FREM1: variants seen among roughly 807,000 people sequenced by gnomAD.
The protein encoded by FREM1 is FRAS1-related extracellular matrix protein 1.
A neutral mutation model predicts 210.1 loss-of-function variants in FREM1; 220 were observed. The ratio of observed to expected loss-of-function variants is 1.05; its 90% CI spans 0.94 to 1.17. FREM1 has a LOEUF of 1.17. FREM1 is among the 50% of genes most tolerant of loss of function. The probability of loss-of-function intolerance (pLI) is 0.00; values close to 1 mark genes in which losing one functional copy is unlikely to be tolerated. For missense variants in FREM1, 3,454 were observed against 2,675.5 expected, an observed-to-expected ratio of 1.29 and a Z score of -6.42; for synonymous variants, 1,189 against 980.2, an observed-to-expected ratio of 1.21 and a Z score of -3.98.
chr9:14,765,160 T>A (rs1163993060), intron 27 of FREM1, among the ~76,000 whole-genome samples: 1 of 152,230 alleles, frequency 6.6e-6, no homozygotes, highest in African/African-American at 2.4e-5. Context: ...TAAAAAAATA[T>A]TTTTTCAAGT....
At position 14,873,284 on chromosome 9, in the gene FREM1, G is replaced by C. The variant is rs563592274; in HGVS notation, c.-267-4040C>G. Among the ~76,000 whole-genome samples the C allele has an allele frequency of 5.5e-3, 839 of 152,286 alleles. 6 individuals are homozygous for C. The highest frequency in any genetic ancestry group is 0.019 in the African/African-American group (788 of 41,564). On this transcript the variant is annotated intron_variant, in intron 1 of 36. Coordinates refer to ENST00000380880, the MANE Select transcript of FREM1 (RefSeq NM_001379081.2). ...TGTACCTCTGGTAGAATTCGGCTGT[G>C]AATCCATCAGGTCCTGGACTCTTTT...
chr9:14,764,939 T>G (rs923924), intron 27 of FREM1, among the ~76,000 whole-genome samples: 148,711 of 152,230 alleles, frequency 0.98, 72,737 homozygotes, highest in Middle Eastern at 1. Flanking sequence ...TCAGTTTCCT[T>G]TCTTCCTATA....
chr9:14,756,410 T>C lies in FREM1; in HGVS notation c.5371A>G (p.Thr1791Ala). The C allele has an allele frequency of 6.2e-7, 1 of 1,602,290 alleles. No homozygotes were observed. Among genetic ancestry groups the C allele is most frequent in the Non-Finnish European group, 8.5e-7 (1 of 1,174,134 alleles). ...QVSAAVGKDF[T>A]VIPSKLIQFD... ...TGAATCAGTTTAGATGGAATCACGG[T>C]GAAATCTTTTCCAACTGCAGCTGAC... Residue 1791 changes from threonine to alanine, a missense_variant, in exon 29 of 37, where the codon ACC becomes GCC. Thr to Ala is a moderately conservative substitution (Grantham distance 58, BLOSUM62 0). Coordinates refer to ENST00000380880, the MANE Select transcript of FREM1 (RefSeq NM_001379081.2).
chr9:14,851,241 T>C (rs778922422), intron 6 of FREM1, 43 bp downstream of exon 6: 4 of 1,444,306 alleles, frequency 2.8e-6, no homozygotes, highest in Non-Finnish European at 3.8e-6. Flanking sequence ...TAAATAACCC[T>C]GTGACTTCTA....
intron 16 of FREM1, among the ~76,000 whole-genome samples, chr9:14,810,564 A>G (rs1464927674): frequency 1.2e-4 from 19 of 152,118 alleles, no homozygotes; most frequent in Admixed American, 1.2e-3. Flanking sequence ...CGATCCTCCT[A>G]CCTCAGCCTC....
At chr9:14,856,562 C>T (rs1205603815) in intron 5 of FREM1, among the ~76,000 whole-genome samples, 1 of 152,118 alleles carries the variant, frequency 6.6e-6, no homozygotes, top group African/African-American at 2.4e-5. Context: ...ATCATCTTTC[C>T]TCAGCACAAA....
chr9:14,784,463 A>G lies in FREM1; in HGVS notation c.4349T>C (p.Val1450Ala), dbSNP rs1002124924. The change falls in exon 24 of 37, where the codon GTT (valine) becomes GCT (alanine). Residue 1450 changes from valine (V) to alanine (A), a missense_variant. Physicochemically the swap from Val to Ala is moderately conservative, Grantham distance 64. Transcript: ENST00000380880. ...GQIEYVHYPG[V>A]PITNFSQMDV... ...CATTTGGCTGAAGTTTGTAATGGGA[A>G]CTCCAGGATAGTGAACATATTCGAT... 1 of 1,613,752 alleles carries G rather than the reference A, an allele frequency of 6.2e-7. No individual in the cohort carries two copies. Among genetic ancestry groups the G allele is most frequent in the Non-Finnish European group, 8.5e-7 (1 of 1,179,802 alleles).
At position 14,836,556 on chromosome 9, in the gene FREM1, T is replaced by C. The variant is rs1451848428; in HGVS notation, c.1881+4891A>G. On this transcript the variant is annotated intron_variant, in intron 10 of 36. Transcript: ENST00000380880. The surrounding 1 kb of genome is among the most constrained non-coding windows in gnomAD (Gnocchi z 4.9). ...GCGGCTACAATCCCTCTTTAATAAATTCCAGTCTTCTTTCTGGAATTGGTT... is the reference window on the plus strand; with the variant it reads ...GCGGCTACAATCCCTCTTTAATAAACTCCAGTCTTCTTTCTGGAATTGGTT... Among the ~76,000 whole-genome samples, 1 of 152,230 alleles carries C rather than the reference T, an allele frequency of 6.6e-6. No individual in the cohort carries two copies. The highest frequency in any genetic ancestry group is 1.5e-5 in the Non-Finnish European group (1 of 68,038).
In FREM1 at chr9:14,748,395, C is replaced by T. The variant is rs760056165; in HGVS notation, c.5796+6G>A. 16 of 1,528,794 alleles carry T rather than the reference C, an allele frequency of 1.0e-5. No homozygotes were observed. Among genetic ancestry groups the T allele is most frequent in the East Asian group, 2.3e-5 (1 of 44,416 alleles). The allele number at this position is 1,528,794 out of a possible 1,614,324, so 94.7% of individuals were successfully genotyped here. A position where few individuals can be genotyped will look rare whatever the true frequency, so the allele number is the denominator to read the frequency against. ...ACATCATTTCCCAGAAGGTCCCCAT[C>T]CTTACTGTTTTGCCATTCCCACGGG... On this transcript the variant is annotated splice_donor_region_variant and intron_variant, in intron 31 of 36. Coordinates refer to ENST00000380880, the MANE Select transcript of FREM1 (RefSeq NM_001379081.2).
chr9:14,845,188 C>G (rs1391020044), intron 8 of FREM1, among the ~76,000 whole-genome samples: 2 of 152,210 alleles, frequency 1.3e-5, no homozygotes, highest in East Asian at 3.9e-4. Flanking sequence ...TAGATTATTA[C>G]CTTGTTAACT....
intron 11 of FREM1, 86 bp from the exon 12 acceptor site, chr9:14,824,201 C>T: frequency 3.8e-6 from 3 of 794,784 alleles, no homozygotes; most frequent in East Asian, 2.7e-5. Context: ...AACTGAAAGA[C>T]TTCATTGTGA....
At chr9:14,876,348 G>C (rs1833737655) in intron 1 of FREM1, among the ~76,000 whole-genome samples, 3 of 152,134 alleles carry the variant, frequency 2.0e-5, no homozygotes. Flanking sequence ...GAGCTTCCTG[G>C]CTGCTTTGTT....
At chr9:14,767,135 C>A (rs548714715) in intron 27 of FREM1, among the ~76,000 whole-genome samples, 2 of 152,192 alleles carry the variant, frequency 1.3e-5, no homozygotes, top group South Asian at 4.2e-4. Context: ...AAGGGCAGAG[C>A]CAAAGCTCAA....
intron 10 of FREM1, among the ~76,000 whole-genome samples, chr9:14,837,081 T>C (rs1824767152): frequency 6.6e-6 from 1 of 152,222 alleles, no homozygotes; most frequent in Admixed American, 6.5e-5. Flanking sequence ...CCCTTGGCCT[T>C]CTTGCCCTTG....
At chr9:14,792,094 T>C (rs543856705) in intron 22 of FREM1, among the ~76,000 whole-genome samples, 20 of 152,242 alleles carry the variant, frequency 1.3e-4, no homozygotes, top group African/African-American at 2.2e-4. Flanking sequence ...CCGCCCACCT[T>C]GGCCTCCCAA....
chr9:14,775,813 T>C lies in FREM1; in HGVS notation c.4833A>G (p.Glu1611=), dbSNP rs764610150. 14 of 1,613,306 alleles carry C rather than the reference T, an allele frequency of 8.7e-6. No individual in the cohort carries two copies. The highest frequency in any genetic ancestry group is 1.2e-5 in the Non-Finnish European group (14 of 1,179,284). ...CCTGAATGGTGAATAAAACAGGTTC[T>C]TCCCACACTCTCCCATTCACAATAA... The part of the protein sequence containing the change: ...QGFIVNGRVW[E]EPVLFTIQVD... Residue 1611 remains glutamate, a synonymous_variant, in exon 25 of 37, where the codon GAA becomes GAG. Transcript: ENST00000380880.
At chr9:14,751,403 CT>C (rs1442302920) in intron 29 of FREM1, among the ~76,000 whole-genome samples, 1 of 152,172 alleles carries the variant, frequency 6.6e-6, no homozygotes, top group African/African-American at 2.4e-5. Context: ...AATCCCAGCA[CT>C]TTGGCAGGCC....
intron 10 of FREM1, among the ~76,000 whole-genome samples, chr9:14,832,459 GA>G (rs1234615572): frequency 1.3e-5 from 2 of 152,162 alleles, no homozygotes; most frequent in Non-Finnish European, 1.5e-5. Context: ...AAAGGGAAGA[GA>G]AAAAATAGGG....
intron 3 of FREM1, among the ~76,000 whole-genome samples, chr9:14,860,198 A>G (rs751118091): frequency 6.6e-6 from 1 of 152,092 alleles, no homozygotes; most frequent in Non-Finnish European, 1.5e-5. Context: ...AAAACCTAGG[A>G]TATCCAGACA....
Sources: allele counts gnomAD v4.1 joint callset (sites outside exome capture counted in the v4.1 genomes callset), GRCh38; gene constraint gnomAD v4.1.1; non-coding constraint Gnocchi (gnomAD v3.1); transcripts MANE v1.5; gene names NCBI Gene and HGNC (gene_info 2026-07-23, HGNC 2026-07-21).